Variants in FRMD4B observed in about 807,000 individuals in gnomAD.
The protein encoded by FRMD4B is FERM domain containing 4B.
FRMD4B carries 74 observed loss-of-function variants against 141.5 expected under a neutral mutation model. That is an observed-to-expected ratio of 0.52 (90% CI 0.43 to 0.63). The LOEUF is 0.63. FRMD4B is among the 30% of genes least tolerant of loss of function. The pLI is 0.00. For synonymous variants in FRMD4B, 506 were observed against 467.9 expected, an observed-to-expected ratio of 1.08 and a Z score of -1.05; for missense variants, 1,366 against 1,253.4, an observed-to-expected ratio of 1.09 and a Z score of -1.36.
chr3:69,410,050 C>T (rs1490774903), intron 2 of FRMD4B, among the ~76,000 whole-genome samples: 1 of 152,198 alleles, frequency 6.6e-6, no homozygotes, highest in Non-Finnish European at 1.5e-5. Context: ...TCCACCCTTT[C>T]CTCAAATGGC....
Position 69,177,553 on chromosome 3 carries a change from G to A in FRMD4B, c.2852-897C>T, listed in dbSNP as rs374760577. ...TAGTCCCAGCAACTTGGGAAGCTGA[G>A]GTGGGAGGATCACTCAAGCCTTGGA... On this transcript the variant is annotated intron_variant, in intron 21 of 22. Coordinates refer to ENST00000398540, the MANE Select transcript of FRMD4B (RefSeq NM_015123.3). 7.2e-5 allele frequency among the ~76,000 whole-genome samples: 11 copies of A among 152,250 alleles called. No homozygotes were observed. In the East Asian group the frequency reaches 1.2e-3, roughly 16 times the overall value.
chr3:69,540,981 G>A (rs2107182372), intron 1 of FRMD4B, among the ~76,000 whole-genome samples: 1 of 152,248 alleles, frequency 6.6e-6, no homozygotes, highest in South Asian at 2.1e-4. Context: ...ACATATGAAA[G>A]TGCGTCTTGA....
At chr3:69,539,977 G>C (rs1265676979) in intron 1 of FRMD4B, among the ~76,000 whole-genome samples, 5 of 151,304 alleles carry the variant, frequency 3.3e-5, no homozygotes, top group Admixed American at 6.6e-5. Context: ...TGGATGGTTT[G>C]AAGTCAGGAA....
chr3:69,454,716 G>A (rs947468802), intron 1 of FRMD4B, among the ~76,000 whole-genome samples: 11 of 152,158 alleles, frequency 7.2e-5, no homozygotes, highest in South Asian at 2.1e-4. Flanking sequence ...CCTGAGCCCC[G>A]CAGTGGGCTC....
chr3:69,227,252 T>TATTC (rs544067286), intron 7 of FRMD4B, among the ~76,000 whole-genome samples: 85 of 152,328 alleles, frequency 5.6e-4, no homozygotes, highest in Admixed American at 1.8e-3. Flanking sequence ...TAATGATGAA[T>TATTC]ATTCATTCAT....
chr3:69,331,802 G>C (rs749900682), intron 1 of FRMD4B, among the ~76,000 whole-genome samples: 3 of 152,024 alleles, frequency 2.0e-5, no homozygotes, highest in East Asian at 1.9e-4. Flanking sequence ...CAAACAACAA[G>C]TAATTGGCTG....
At chr3:69,346,117 C>T (rs1460715325) in intron 1 of FRMD4B, among the ~76,000 whole-genome samples, 1 of 151,924 alleles carries the variant, frequency 6.6e-6, no homozygotes, top group African/African-American at 2.4e-5. Context: ...CTAGAATAAC[C>T]AGTGTAGAGA....
At chr3:69,233,917 A>C (rs1367691188) in intron 7 of FRMD4B, among the ~76,000 whole-genome samples, 1 of 152,176 alleles carries the variant, frequency 6.6e-6, no homozygotes, top group Non-Finnish European at 1.5e-5. Flanking sequence ...ACTACACTGA[A>C]GAAATGGGAC....
At chr3:69,390,645 C>A (rs1379281409), upstream of FRMD4B, among the ~76,000 whole-genome samples, 1 of 152,084 alleles carries the variant, frequency 6.6e-6, no homozygotes, top group African/African-American at 2.4e-5. Flanking sequence ...GTAATCCCAG[C>A]ACTTTGGGAG....
At chr3:69,196,585 T>A (rs2092907648) in intron 13 of FRMD4B, 189 bp from the exon 14 acceptor site, 2 of 595,610 alleles carry the variant, frequency 3.4e-6, no homozygotes, top group Admixed American at 3.5e-5. Context: ...AATGTTTTAA[T>A]AACTATACGT....
chr3:69,471,954 A>G (rs1387419194), intron 1 of FRMD4B: 1 of 154,094 alleles, frequency 6.5e-6, no homozygotes. Flanking sequence ...TGGGGGCTCT[A>G]TTTATTCTAC....
chr3:69,513,373 C>G lies in FRMD4B; in HGVS notation c.-129+28833G>C, dbSNP rs537568124. Reference sequence around the variant, plus strand: ...ATCATGAAGAAATACAAAATCTGAACAGACCCGTAACTAATAAGCAGATTC... The same window carrying G: ...ATCATGAAGAAATACAAAATCTGAAGAGACCCGTAACTAATAAGCAGATTC... On this transcript the variant is annotated intron_variant, in intron 1 of 5. Coordinates refer to the FRMD4B transcript ENST00000459638. Among the ~76,000 whole-genome samples, 19 of 152,190 alleles carry G rather than the reference C, an allele frequency of 1.2e-4. No homozygotes were observed. The South Asian group carries it at 2.7e-3, about 22-fold the overall frequency.
intron 17 of FRMD4B, among the ~76,000 whole-genome samples, chr3:69,193,104 G>A (rs1426380416): frequency 1.3e-5 from 2 of 152,026 alleles, no homozygotes; most frequent in Non-Finnish European, 2.9e-5. Flanking sequence ...TATAGGTGTG[G>A]GGCGCCATGC....
At chr3:69,506,231 C>G (rs1420280916) in intron 1 of FRMD4B, among the ~76,000 whole-genome samples, 1 of 152,168 alleles carries the variant, frequency 6.6e-6, no homozygotes, top group African/African-American at 2.4e-5. Context: ...CCCACTTCCT[C>G]TTCAGAACAA....
At chr3:69,374,625 T>A (rs1703916660) in intron 1 of FRMD4B, among the ~76,000 whole-genome samples, 1 of 152,086 alleles carries the variant, frequency 6.6e-6, no homozygotes, top group African/African-American at 2.4e-5. Flanking sequence ...AGGGTCAGAG[T>A]TAGGAGGAAG....
intron 4 of FRMD4B, among the ~76,000 whole-genome samples, chr3:69,296,705 A>T: frequency 6.6e-6 from 1 of 152,188 alleles, no homozygotes; most frequent in Middle Eastern, 3.2e-3. Flanking sequence ...CCATGAAAAG[A>T]TGAATTTCCA....
At position 69,341,946 on chromosome 3, in the gene FRMD4B, A is replaced by G. The variant is rs144580268; in HGVS notation, c.163-28429T>C. ...TGCAGTTACTCTGTTGTAGCAGCAC[A>G]AAATGGACTAAGACAGGCAACACAC... On this transcript the variant is annotated intron_variant, in intron 1 of 22. Transcript: ENST00000398540. Among the ~76,000 whole-genome samples, 7 of 152,326 alleles carry G rather than the reference A, an allele frequency of 4.6e-5. No individual in the cohort carries two copies. In the East Asian group the frequency reaches 1.2e-3, roughly 25 times the overall value.
intron 1 of FRMD4B, among the ~76,000 whole-genome samples, chr3:69,473,596 T>C (rs1207455473): frequency 6.6e-6 from 1 of 152,222 alleles, no homozygotes; most frequent in Admixed American, 6.5e-5. Context: ...CATCCAAGTA[T>C]ATATACTTTT....
At chr3:69,461,209 A>T (rs1705701727) in intron 1 of FRMD4B, among the ~76,000 whole-genome samples, 1 of 152,148 alleles carries the variant, frequency 6.6e-6, no homozygotes, top group Non-Finnish European at 1.5e-5. Context: ...TATCTCTTTT[A>T]GGCAATAAAG....
Sources: allele counts gnomAD v4.1 joint callset (sites outside exome capture counted in the v4.1 genomes callset), GRCh38; gene constraint gnomAD v4.1.1; transcripts MANE v1.5; gene names NCBI Gene and HGNC (gene_info 2026-07-23, HGNC 2026-07-21).